The following RCOR1 variants were observed in gnomAD, a reference collection of about 807,000 sequenced individuals.
The protein encoded by RCOR1 is REST corepressor.
RCOR1 carries 12 observed loss-of-function variants against 64.0 expected under a neutral mutation model. That is an observed-to-expected ratio of 0.19 (90% CI 0.12 to 0.30). The LOEUF (loss-of-function observed/expected upper bound fraction) is 0.30. RCOR1 is among the 10% of genes least tolerant of loss of function. RCOR1 has a pLI of 1.00. For synonymous variants in RCOR1, 279 were observed against 227.2 expected (o/e 1.23, Z -2.05); for missense variants, 502 against 621.2 (o/e 0.81, Z 2.04).
intron 2 of RCOR1, among the ~76,000 whole-genome samples, chr14:102,616,238 G>A (rs867778349): frequency 2.9e-5 from 4 of 139,146 alleles, no homozygotes; most frequent in African/African-American, 1.1e-4. Context: ...GTGTGTGTGT[G>A]TGTGTGTGTG....
At chr14:102,634,932 T>C (rs943180529) in intron 2 of RCOR1, among the ~76,000 whole-genome samples, 3 of 150,386 alleles carry the variant, frequency 2.0e-5, no homozygotes, top group African/African-American at 7.3e-5. Context: ...GGTCTCAAAC[T>C]CCTGACCTCA....
intron 2 of RCOR1, among the ~76,000 whole-genome samples, chr14:102,608,185 TCA>T (rs1893554887): frequency 6.6e-6 from 1 of 152,150 alleles, no homozygotes; most frequent in Admixed American, 6.6e-5. Context: ...AAAGAAAATC[TCA>T]CATGTGTTAG....
At position 102,728,052 on chromosome 14, in the gene RCOR1, G is replaced by A. The variant is rs970212443; in HGVS notation, c.*1546G>A. 6.6e-6 allele frequency: 1 copy of A among 152,598 alleles called. No homozygotes were observed. The highest frequency in any genetic ancestry group is 2.4e-5 in the African/African-American group (1 of 41,452). 9.5% of individuals were successfully genotyped at this position (152,598 alleles called of 1,614,324 possible). On this transcript the variant is annotated 3_prime_UTR_variant, in exon 12 of 12. Transcript: ENST00000262241. ...GAAGAATTTAAAATATGCAATTAAA[G>A]TTTGATATGTTTTGTCTCCCAAGCA...
chr14:102,661,387 C>T (rs1014931353), intron 2 of RCOR1, among the ~76,000 whole-genome samples: 13 of 152,086 alleles, frequency 8.5e-5, no homozygotes, highest in African/African-American at 3.1e-4. Context: ...ATTATGTGGG[C>T]TTTAAAAAAC....
intron 11 of RCOR1, 47 bp from the exon 12 acceptor site, chr14:102,726,421 T>G (rs1896264117): frequency 1.4e-6 from 2 of 1,431,424 alleles, no homozygotes; most frequent in Non-Finnish European, 1.9e-6. Flanking sequence ...TTGTGTTGTT[T>G]ACCTACTCTT....
chr14:102,602,630 A>G (rs1193508326), intron 2 of RCOR1, among the ~76,000 whole-genome samples: 1 of 150,742 alleles, frequency 6.6e-6, no homozygotes, highest in African/African-American at 2.4e-5. Context: ...CCGGTTTTGA[A>G]CTCCTGACCT....
chr14:102,692,656 G>A (rs901974817), intron 3 of RCOR1, among the ~76,000 whole-genome samples: 2 of 151,000 alleles, frequency 1.3e-5, no homozygotes, highest in Non-Finnish European at 2.9e-5. Flanking sequence ...ATTAAACCGA[G>A]TTTTGATCCT....
intron 2 of RCOR1, among the ~76,000 whole-genome samples, chr14:102,673,471 G>T (rs1342961116): frequency 6.6e-6 from 1 of 151,258 alleles, no homozygotes; most frequent in Non-Finnish European, 1.5e-5. Context: ...TGAGTAGCTG[G>T]GACTACAGTC....
chr14:102,664,538 A>G (rs1003774508), intron 2 of RCOR1, among the ~76,000 whole-genome samples: 1 of 152,206 alleles, frequency 6.6e-6, no homozygotes, highest in Admixed American at 6.5e-5. Flanking sequence ...GTAGAGTGCT[A>G]TTATAAAGAG....
Sources: gnomAD v4.1 joint callset for allele counts (sites outside exome capture counted in the v4.1 genomes callset) on GRCh38, gnomAD v4.1.1 for gene constraint, MANE v1.5 for transcripts, NCBI Gene and HGNC (gene_info 2026-07-23, HGNC 2026-07-21) for gene names.